The following COL4A6 variants were observed in gnomAD, a reference collection of about 807,000 sequenced individuals.
COL4A6 encodes collagen alpha-6(IV) chain.
Under a neutral mutation model 126.7 loss-of-function variants are expected in COL4A6, and 59 were observed. That is an observed-to-expected ratio of 0.47 (90% CI 0.38 to 0.58). The LOEUF (loss-of-function observed/expected upper bound fraction) is 0.58, where lower values mean the gene tolerates loss of function less well. COL4A6 is among the 20% of genes least tolerant of loss of function. COL4A6 has a pLI of 0.00. For synonymous variants in COL4A6, 547 were observed against 496.6 expected (o/e 1.10, Z -1.35); for missense variants, 1,285 against 1,337.3 (o/e 0.96, Z 0.61).
Position 108,170,598 on chromosome X carries a change from A to C in COL4A6, c.3493+11T>G. 8.4e-7 allele frequency: 1 copy of C among 1,187,634 alleles called. No homozygotes were observed. The highest frequency in any genetic ancestry group is 1.1e-6 in the Non-Finnish European group (1 of 877,491). ...GACTTTTCCCCACTGCCTGCTCCCA[A>C]ATACACATACCTTTGGGTCCTATTA... On this transcript the variant is annotated intron_variant, in intron 35 of 44. Transcript: ENST00000334504.
rs2034344493 is a variant in COL4A6, at chrX:108,172,531, C to A, written c.3140G>T (p.Gly1047Val). 8.3e-7 allele frequency: 1 copy of A among 1,197,745 alleles called. No homozygotes were observed. Among genetic ancestry groups the A allele is most frequent in the African/African-American group, 1.8e-5 (1 of 56,320 alleles). ...AGGCGACCCTCTGATACCTTGTGAA[C>A]CCTTCGAAGCAATATGGGAATCATC... ...TGFPGMPGES[G>V]SQGIRGSPGL... Residue 1047 changes from glycine (G) to valine (V), a missense_variant and splice_region_variant, in exon 32 of 45, where the codon GGT becomes GTT. Physicochemically the swap from Gly to Val is moderately radical, Grantham distance 109 (BLOSUM62 -3). Transcript: ENST00000334504.
chrX:108,372,469 G>A (rs1198204220), intron 2 of COL4A6, among the ~76,000 whole-genome samples: 1 of 111,879 alleles, frequency 8.9e-6, no homozygotes, highest in Non-Finnish European at 1.9e-5. Flanking sequence ...AAATAAGAAT[G>A]CAGTCCAACT....
At chrX:108,436,351 G>T (rs1170634255) in intron 2 of COL4A6, among the ~76,000 whole-genome samples, 1 of 112,629 alleles carries the variant, frequency 8.9e-6, no homozygotes, top group Non-Finnish European at 1.9e-5. Flanking sequence ...ATACTTGAAA[G>T]AATTGCAAGC....
intron 3 of COL4A6, among the ~76,000 whole-genome samples, chrX:108,280,544 C>A (rs1270327946): frequency 8.9e-6 from 1 of 111,879 alleles, no homozygotes; most frequent in African/African-American, 3.3e-5. Flanking sequence ...GATAGATTCA[C>A]AGCCGAATTC....
intron 6 of COL4A6, among the ~76,000 whole-genome samples, chrX:108,212,568 C>T (rs1444450789): frequency 9.0e-6 from 1 of 111,686 alleles, no homozygotes; most frequent in Non-Finnish European, 1.9e-5. Context: ...TGGACTGAAG[C>T]ATTTATTGAA....
chrX:108,156,811 G>A lies in COL4A6; in HGVS notation c.*189C>T. 2.1e-6 allele frequency: 1 copy of A among 476,883 alleles called. No homozygotes were observed. The highest frequency in any genetic ancestry group is 3.7e-6 in the Non-Finnish European group (1 of 271,948). The allele number at this position is 476,883 out of a possible 1,213,427, so 39.3% of individuals were successfully genotyped here. A position where few individuals can be genotyped will look rare whatever the true frequency, so the allele number is the denominator to read the frequency against. On this transcript the variant is annotated 3_prime_UTR_variant, in exon 45 of 45. Coordinates refer to ENST00000334504, the MANE Select transcript of COL4A6 (RefSeq NM_033641.4). ...AGAAACAGGACAGCAGATCTCAGCA[G>A]GGTGGGCTCATCTCTATGGACCCGA...
intron 3 of COL4A6, among the ~76,000 whole-genome samples, chrX:108,301,514 T>A (rs1331568343): frequency 9.0e-6 from 1 of 111,077 alleles, no homozygotes; most frequent in Non-Finnish European, 1.9e-5. Context: ...CAAGTATTCC[T>A]CCAATCACAA....
intron 3 of COL4A6, among the ~76,000 whole-genome samples, chrX:108,240,868 GA>G (rs985281110): frequency 1.8e-5 from 2 of 112,112 alleles, no homozygotes; most frequent in African/African-American, 3.2e-5. Flanking sequence ...TTTGCATTTT[GA>G]ATCATGCTAA....
intron 3 of COL4A6, among the ~76,000 whole-genome samples, chrX:108,302,158 G>A (rs2038505722): frequency 9.1e-6 from 1 of 110,455 alleles, no homozygotes; most frequent in South Asian, 3.8e-4. Context: ...TCATACACAT[G>A]TCCTAATCTC....
In COL4A6 at chrX:108,438,201, G is replaced by T; in HGVS notation, c.-5C>A. The T allele has an allele frequency of 8.4e-7, 1 of 1,192,577 alleles. No individual in the cohort carries two copies. The highest frequency in any genetic ancestry group is 1.1e-6 in the Non-Finnish European group (1 of 887,576). ...AACAGCTCACCCAGGGTGCATGCTTGCGGCTCCTCCGGAGCTGGGTCCCGG... is the reference window on the plus strand; with the variant it reads ...AACAGCTCACCCAGGGTGCATGCTTTCGGCTCCTCCGGAGCTGGGTCCCGG... On this transcript the variant is annotated 5_prime_UTR_variant, in exon 1 of 45. Transcript: ENST00000334504.
intron 3 of COL4A6, among the ~76,000 whole-genome samples, chrX:108,280,246 G>A (rs1178769766): frequency 6.3e-5 from 7 of 111,220 alleles, no homozygotes; most frequent in Admixed American, 9.6e-5. Flanking sequence ...TAGACCGCTA[G>A]CAAGACTAAT....
chrX:108,356,408 G>A (rs909264719), intron 2 of COL4A6, among the ~76,000 whole-genome samples: 1 of 110,974 alleles, frequency 9.0e-6, no homozygotes, highest in Non-Finnish European at 1.9e-5. Context: ...AAACAATATA[G>A]GAATCTATGT....
chrX:108,275,046 T>C (rs2037562405), intron 3 of COL4A6, among the ~76,000 whole-genome samples: 1 of 111,311 alleles, frequency 9.0e-6, no homozygotes, highest in Non-Finnish European at 1.9e-5. Flanking sequence ...TATTAATATA[T>C]TTTAATAAGA....
chrX:108,325,262 A>G (rs2039126688), intron 2 of COL4A6, among the ~76,000 whole-genome samples: 1 of 112,177 alleles, frequency 8.9e-6, no homozygotes. Context: ...CTCTAATTCC[A>G]TATTTCATGA....
intron 23 of COL4A6, among the ~76,000 whole-genome samples, chrX:108,181,678 T>C (rs932265777): frequency 1.1e-4 from 12 of 111,906 alleles, no homozygotes; most frequent in Non-Finnish European, 2.3e-4. Context: ...ATTCAAGATG[T>C]CAAAATTGGC....
rs1290559323 is a variant in COL4A6 at position 108,425,727 on chromosome X, CACACAA to C, written c.63+12209_63+12214del. Reference sequence around the variant, plus strand: ...CCAGCCTGGGCGACAGCACAACACACACACAAACACACACACACACACACACACACA... The same window carrying C: ...CCAGCCTGGGCGACAGCACAACACACACACACACACACACACACACACACA... On this transcript the variant is annotated intron_variant, in intron 2 of 44. Coordinates refer to ENST00000334504, the MANE Select transcript of COL4A6 (RefSeq NM_033641.4). Among the ~76,000 whole-genome samples, 429 of 106,188 alleles carry C rather than the reference CACACAA, an allele frequency of 4.0e-3. 5 individuals carry two copies. The highest frequency in any genetic ancestry group is 0.014 in the African/African-American group (405 of 29,009). The allele number at this position is 106,188 out of a possible 115,157, so 92.2% of individuals were successfully genotyped here.
Position 108,164,306 on chromosome X carries a change from C to T in COL4A6, c.4069+294G>A, listed in dbSNP as rs748901039. Reference sequence around the variant, plus strand: ...GTTCTTTATTTCTGAATTGAGCAAACGGGTGGGTGGTGATCTGAGTGCAAA... The same window carrying T: ...GTTCTTTATTTCTGAATTGAGCAAATGGGTGGGTGGTGATCTGAGTGCAAA... On this transcript the variant is annotated intron_variant, in intron 40 of 44. Coordinates refer to ENST00000334504, the MANE Select transcript of COL4A6 (RefSeq NM_033641.4). 9.9e-5 allele frequency among the ~76,000 whole-genome samples: 11 copies of T among 111,238 alleles called. No individual in the cohort carries two copies. In the East Asian group the frequency reaches 2.8e-3, roughly 29 times the overall value.
Position 108,245,327 on chromosome X carries a change from A to G in COL4A6, c.145-23953T>C, listed in dbSNP as rs569313744. Among the ~76,000 whole-genome samples the G allele has an allele frequency of 8.0e-5, 9 of 112,089 alleles. No homozygotes were observed. In the South Asian group the frequency reaches 3.4e-3, roughly 42 times the overall value. On this transcript the variant is annotated intron_variant, in intron 3 of 44. Transcript: ENST00000334504. ...TTTTGTCACTAATTAGCTCAATTAA[A>G]TGGTGCACTGAGCAGAGGGAGCACC...
intron 3 of COL4A6, among the ~76,000 whole-genome samples, chrX:108,230,809 GCT>G (rs748346840): frequency 3.6e-5 from 4 of 111,313 alleles, no homozygotes; most frequent in Non-Finnish European, 7.5e-5. Flanking sequence ...TCAACTCTGT[GCT>G]CTCTCTGTTG....
Sources: allele counts gnomAD v4.1 joint callset (sites outside exome capture counted in the v4.1 genomes callset), GRCh38; gene constraint gnomAD v4.1.1; transcripts MANE v1.5; gene names NCBI Gene and HGNC (gene_info 2026-07-23, HGNC 2026-07-21).